The following TRPM1 variants were observed in gnomAD, a reference collection of about 807,000 sequenced individuals.
TRPM1 encodes TRPM1-203 APA Isoform, Intron 10.
A neutral mutation model predicts 149.4 loss-of-function variants in TRPM1; 113 were observed. The observed-to-expected ratio is 0.76, with a 90% CI of 0.65 to 0.88. TRPM1 has a LOEUF of 0.88. Ranked by LOEUF, TRPM1 falls within the 40% of genes least tolerant of loss-of-function variation. The pLI, the probability that TRPM1 is intolerant of heterozygous loss-of-function variation, is 0.00. For missense variants in TRPM1, 1,976 were observed against 2,038.7 expected, an observed-to-expected ratio of 0.97 and a Z score of 0.59; for synonymous variants, 741 against 759.5, an observed-to-expected ratio of 0.98 and a Z score of 0.40.
intron 27 of TRPM1, among the ~76,000 whole-genome samples, chr15:31,016,927 C>T (rs191220978): frequency 1.8e-4 from 27 of 151,796 alleles, no homozygotes; most frequent in African/African-American, 5.6e-4. Context: ...TAAAAGGATA[C>T]ACCTGAATGC....
intron 1 of TRPM1, among the ~76,000 whole-genome samples, chr15:31,113,765 G>A (rs2338856): frequency 1.3e-5 from 2 of 151,796 alleles, no homozygotes; most frequent in South Asian, 4.1e-4. Flanking sequence ...CCTTCCCGGT[G>A]AGTGTTACAG....
Position 31,040,169 on chromosome 15 carries a change from C to T in TRPM1, c.2265G>A (p.Leu755=), listed in dbSNP as rs2033563178. The stretch of plus-strand genomic sequence containing the variant: ...GCAGTCTTCCCATCCACATATCGGT[C>T]AGCAGCATCTGGCTGCAGGTGTGAG... ...FIAHTCSQML[L]TDMWMGRLRM... is the part of the protein sequence containing the mutation. The change falls in exon 18 of 28, where the codon CTG becomes CTA. Residue 755 remains leucine (L), a synonymous_variant. Coordinates refer to ENST00000256552, the MANE Select transcript of TRPM1 (RefSeq NM_001252024.2). The surrounding 1 kb of genome is among the most constrained non-coding windows in gnomAD (Gnocchi z 4.2). 1 of 1,614,096 alleles carries T rather than the reference C, an allele frequency of 6.2e-7. No homozygotes were observed. The highest frequency in any genetic ancestry group is 1.7e-5 in the Admixed American group (1 of 60,004).
chr15:31,009,559 C>T (rs1379143895), intron 27 of TRPM1, among the ~76,000 whole-genome samples: 1 of 152,136 alleles, frequency 6.6e-6, no homozygotes, highest in Non-Finnish European at 1.5e-5. Flanking sequence ...GCATTCTCTA[C>T]ATTTATTTAA....
intron 3 of TRPM1, among the ~76,000 whole-genome samples, chr15:31,074,738 C>T (rs2034647525): frequency 6.6e-6 from 1 of 152,026 alleles, no homozygotes; most frequent in African/African-American, 2.4e-5. Context: ...TTAGTTTACT[C>T]TTCTTTTTCC....
At chr15:31,022,072 GATAAC>G (rs372098748) in intron 27 of TRPM1, among the ~76,000 whole-genome samples, 19 of 152,280 alleles carry the variant, frequency 1.2e-4, no homozygotes, top group Middle Eastern at 3.4e-3. Flanking sequence ...AAACACACTG[GATAAC>G]ATAATTCTCA....
In TRPM1 at chr15:31,026,915, T is replaced by C. The variant is rs371282051; in HGVS notation, c.3496A>G (p.Lys1166Glu). 3 of 1,613,544 alleles carry C rather than the reference T, an allele frequency of 1.9e-6. No individual in the cohort carries two copies. The African/African-American group carries it at 4.0e-5, about 22-fold the overall frequency. Residue 1166 changes from lysine (K) to glutamate (E), a missense_variant and splice_region_variant, in exon 26 of 28, where the codon AAG becomes GAG. By Grantham distance (56) the Lys-to-Glu change is moderately conservative (BLOSUM62 1). Around this residue, in one of 3 missense-constraint regions of TRPM1, gnomAD observed 572 missense variants for 578.9 expected, o/e 0.99. Coordinates refer to ENST00000256552, the MANE Select transcript of TRPM1 (RefSeq NM_001252024.2). ...GDQEERDRGL[K>E]LFLSDEELKR... is the part of the protein sequence containing the mutation. ...TAGAAATGAAGAGCCCTGCACATAC[T>C]CAATCCACGATCCCGTTCCTCTTGG...
intron 1 of TRPM1, among the ~76,000 whole-genome samples, chr15:31,117,281 T>C (rs1019435296): frequency 1.3e-5 from 2 of 151,582 alleles, no homozygotes; most frequent in Admixed American, 6.6e-5. Context: ...AGGTCAGGAG[T>C]TCGAGACCAG....
intron 1 of TRPM1, among the ~76,000 whole-genome samples, chr15:31,084,979 G>A (rs1294089315): frequency 2.0e-5 from 3 of 151,778 alleles, no homozygotes; most frequent in African/African-American, 4.8e-5. Flanking sequence ...ATGAGCTGCC[G>A]TGCCCAGCCA....
At chr15:31,079,298 T>C (rs527348397) in intron 2 of TRPM1, among the ~76,000 whole-genome samples, 34 of 152,342 alleles carry the variant, frequency 2.2e-4, no homozygotes, top group South Asian at 1.0e-3. Flanking sequence ...AGGAGTTGAA[T>C]GTGGCTTAGC....
At chr15:31,028,575 T>C (rs2032905004) in intron 24 of TRPM1, 99 bp from the exon 25 acceptor site, 1 of 1,358,084 alleles carries the variant, frequency 7.4e-7, no homozygotes, top group East Asian at 2.5e-5. Flanking sequence ...TTTTTTAATA[T>C]GATTCTTTCT....
At chr15:31,049,219 G>A (rs2033866576) in intron 13 of TRPM1, among the ~76,000 whole-genome samples, 156 bp downstream of exon 13, 1 of 152,216 alleles carries the variant, frequency 6.6e-6, no homozygotes. Flanking sequence ...AACACAGGCT[G>A]TGGCCAGCAG....
chr15:31,072,010 TATATATATAGAG>T (rs1379639491), intron 3 of TRPM1, among the ~76,000 whole-genome samples: 804 of 29,896 alleles, frequency 0.027, 5 homozygotes, highest in East Asian at 0.091. Context: ...TATATATATA[TATATATATAGAG>T]AGAGAGAGAG....
intron 16 of TRPM1, among the ~76,000 whole-genome samples, chr15:31,044,152 A>G (rs1199837624): frequency 1.3e-5 from 2 of 152,238 alleles, no homozygotes; most frequent in African/African-American, 2.4e-5. Context: ...AAAGGAAATA[A>G]TAAATGCCTT....
intron 1 of TRPM1, among the ~76,000 whole-genome samples, chr15:31,133,871 A>G (rs2036053659): frequency 6.6e-6 from 1 of 152,156 alleles, no homozygotes; most frequent in Non-Finnish European, 1.5e-5. Context: ...CTTTTCCTCA[A>G]GTGGGCCTGG....
Position 31,144,840 on chromosome 15 carries a change from C to T in TRPM1, c.54+16066G>A, listed in dbSNP as rs575932456. The stretch of plus-strand genomic sequence containing the variant: ...AAGCAATTCTCCTGCCTCAGCCTCC[C>T]GAGGAGCTGGGATTACAGGTGACTT... On this transcript the variant is annotated intron_variant, in intron 1 of 26. Coordinates refer to the TRPM1 transcript ENST00000542188. 2.0e-4 allele frequency among the ~76,000 whole-genome samples: 31 copies of T among 151,768 alleles called. 1 individual carries two copies. In the East Asian group the frequency reaches 2.9e-3, roughly 14 times the overall value.
At chr15:31,085,545 T>C (rs1247963037) in intron 1 of TRPM1, among the ~76,000 whole-genome samples, 2 of 152,214 alleles carry the variant, frequency 1.3e-5, no homozygotes, top group Non-Finnish European at 2.9e-5. Flanking sequence ...AGAGTTGTCA[T>C]TGCAGTTGTC....
rs149604896 is a variant in TRPM1, at chr15:31,026,313, G to C, written c.3497-42C>G. The C allele has an allele frequency of 3.2e-5, 51 of 1,603,830 alleles. No homozygotes were observed. The African/African-American group carries it at 6.7e-4, about 21-fold the overall frequency. On this transcript the variant is annotated intron_variant, in intron 26 of 27. Transcript: ENST00000256552. ...GTGTCGGCCACGTGAAAAACAAGAA[G>C]AATCAGTTTCGTGGCGTCAATGAGA...
chr15:31,029,438 C>G, intron 23 of TRPM1, 47 bp from the exon 24 acceptor site: 1 of 1,599,184 alleles, frequency 6.3e-7, no homozygotes, highest in Non-Finnish European at 8.6e-7. Flanking sequence ...TTTGTTTTGA[C>G]AGGAGGGGAG....
intron 20 of TRPM1, among the ~76,000 whole-genome samples, chr15:31,037,282 T>C (rs910072054): frequency 2.0e-5 from 3 of 152,328 alleles, no homozygotes; most frequent in Middle Eastern, 3.4e-3. Flanking sequence ...GTTTCCCTAT[T>C]CCAAGAGTTT....
Sources: gnomAD v4.1 joint callset for allele counts (sites outside exome capture counted in the v4.1 genomes callset) on GRCh38, gnomAD v4.1.1 for gene constraint, gnomAD v4.1.1 regional missense constraint, Gnocchi (gnomAD v3.1) non-coding constraint, MANE v1.5 for transcripts, NCBI Gene and HGNC (gene_info 2026-07-23, HGNC 2026-07-21) for gene names.